PSMB7: variants seen among roughly 807,000 people sequenced by gnomAD.
PSMB7 encodes the protein proteasome subunit beta type-7.
Under a neutral mutation model 28.1 loss-of-function variants are expected in PSMB7, and 5 were observed. The observed-to-expected ratio is 0.18, with a 90% confidence interval of 0.09 to 0.37. The LOEUF (loss-of-function observed/expected upper bound fraction) is 0.37. Among genes scored for constraint, PSMB7 ranks in the 10% least tolerant of loss-of-function variants. The probability of loss-of-function intolerance (pLI) is 1.00; values close to 1 mark genes in which losing one functional copy is unlikely to be tolerated. For missense variants in PSMB7, 275 were observed against 346.2 expected, an observed-to-expected ratio of 0.79 and a Z score of 1.63; for synonymous variants, 122 against 123.7, an observed-to-expected ratio of 0.99 and a Z score of 0.09.
At chr9:124,401,596 G>A (rs1830907851) in intron 5 of PSMB7, among the ~76,000 whole-genome samples, 1 of 152,086 alleles carries the variant, frequency 6.6e-6, no homozygotes, top group African/African-American at 2.4e-5. Context: ...TCTCCCTTGG[G>A]TCCCCTCCTG....
Position 124,415,383 on chromosome 9 carries a change from A to T in PSMB7, c.43T>A (p.Ser15Thr). The T allele has an allele frequency of 6.2e-7, 1 of 1,614,136 alleles. No individual in the cohort carries two copies. The highest frequency in any genetic ancestry group is 1.6e-4 in the Middle Eastern group (1 of 6,062). The part of the protein sequence containing the change: ...SVYAPPVGGF[S>T]FDNCRRNAVL... The stretch of plus-strand genomic sequence containing the variant: ...CGGCACCTGCGGCAGTTATCAAAAG[A>T]GAAGCCTCCAACTGGTGGAGCATAC... Residue 15 changes from serine to threonine, a missense_variant, in exon 1 of 8, where the codon TCT (serine) becomes ACT (threonine). By Grantham distance (58) the Ser-to-Thr change is moderately conservative. Around this residue, in one of 2 missense-constraint regions of PSMB7, gnomAD observed 62 missense variants for 43.9 expected, o/e 1.41. Coordinates refer to ENST00000259457, the MANE Select transcript of PSMB7 (RefSeq NM_002799.4).
rs940488686 is a variant in PSMB7 at position 124,384,669 on chromosome 9, G to A, written c.512-13C>T. On this transcript the variant is annotated splice_polypyrimidine_tract_variant and intron_variant, in intron 5 of 7. Coordinates refer to ENST00000259457, the MANE Select transcript of PSMB7 (RefSeq NM_002799.4). ...AAGGAGCCAGAACCTGCAAGAAAAA[G>A]GTGCACTTTTAGTGTATTTTATGAT... The A allele has an allele frequency of 2.5e-6, 4 of 1,612,654 alleles. No homozygotes were observed. The highest frequency in any genetic ancestry group is 3.4e-6 in the Non-Finnish European group (4 of 1,179,352).
At chr9:124,406,271 G>A (rs906262961) in intron 4 of PSMB7, among the ~76,000 whole-genome samples, 1 of 152,054 alleles carries the variant, frequency 6.6e-6, no homozygotes, top group Admixed American at 6.6e-5. Context: ...AGGAGGCTGA[G>A]GTGGGCAAAT....
chr9:124,394,916 T>A (rs916815474), intron 5 of PSMB7, among the ~76,000 whole-genome samples: 12 of 152,182 alleles, frequency 7.9e-5, no homozygotes, highest in Admixed American at 7.9e-4. Context: ...TTTTAAGATA[T>A]AAAATCCATT....
At chr9:124,377,695 G>A (rs540618422) in intron 6 of PSMB7, among the ~76,000 whole-genome samples, 142 of 152,332 alleles carry the variant, frequency 9.3e-4, no homozygotes, top group African/African-American at 3.3e-3. Flanking sequence ...CAATCTATAA[G>A]GGCTTCTCTA....
Position 124,370,780 on chromosome 9 carries a change from G to T in PSMB7, c.570+13818C>A, listed in dbSNP as rs1383863055. Among the ~76,000 whole-genome samples the T allele has an allele frequency of 2.6e-5, 4 of 152,122 alleles. No homozygotes were observed. In the East Asian group the frequency reaches 7.7e-4, roughly 29 times the overall value. On this transcript the variant is annotated intron_variant, in intron 6 of 7. Coordinates refer to ENST00000259457, the MANE Select transcript of PSMB7 (RefSeq NM_002799.4). ...GTCTCAATTAACACCTAAATGCCCT[G>T]CATTAGAAGGTTTACCATTTTATAG...
At chr9:124,366,730 A>AT (rs1830511974) in intron 6 of PSMB7, among the ~76,000 whole-genome samples, 1 of 152,180 alleles carries the variant, frequency 6.6e-6, no homozygotes, top group Non-Finnish European at 1.5e-5. Flanking sequence ...CAGATACACC[A>AT]TTTTTTATCT....
At chr9:124,392,225 G>T (rs990145045) in intron 5 of PSMB7, among the ~76,000 whole-genome samples, 1 of 152,226 alleles carries the variant, frequency 6.6e-6, no homozygotes, top group Non-Finnish European at 1.5e-5. Context: ...GGGTTCTCAA[G>T]CTCATGCACC....
At chr9:124,401,593 T>C (rs1326449048) in intron 5 of PSMB7, among the ~76,000 whole-genome samples, 1 of 152,330 alleles carries the variant, frequency 6.6e-6, no homozygotes, top group East Asian at 1.9e-4. Context: ...TTTTCTCCCT[T>C]GGGTCCCCTC....
At position 124,384,317 on chromosome 9, in the gene PSMB7, C is replaced by T. The variant is rs1323001415; in HGVS notation, c.570+281G>A. The T allele has an allele frequency of 2.4e-5, 9 of 370,876 alleles. No homozygotes were observed. In the East Asian group the frequency reaches 3.2e-4, roughly 13 times the overall value. The allele number at this position is 370,876 out of a possible 1,614,324, so 23.0% of individuals were successfully genotyped here. ...AAGCTTGGTGCGCAAGAAAACATTC[C>T]ACGTTACCACCGCATTTACAGTCAA... On this transcript the variant is annotated intron_variant, in intron 6 of 7. Coordinates refer to ENST00000259457, the MANE Select transcript of PSMB7 (RefSeq NM_002799.4).
At position 124,358,686 on chromosome 9, in the gene PSMB7, G is replaced by A. The variant is rs1226959887; in HGVS notation, c.571-1771C>T. Among the ~76,000 whole-genome samples, 3 of 152,236 alleles carry A rather than the reference G, an allele frequency of 2.0e-5. No homozygotes were observed. In the East Asian group the frequency reaches 5.8e-4, roughly 29 times the overall value. The stretch of plus-strand genomic sequence containing the variant: ...CTTCCCTTTAAATGGCCTTCGGTGT[G>A]TGCGCACATGGGCACGTGCGGGGAG... On this transcript the variant is annotated intron_variant, in intron 6 of 7. Coordinates refer to ENST00000259457, the MANE Select transcript of PSMB7 (RefSeq NM_002799.4).
At chr9:124,409,607 G>A (rs559933558) in intron 4 of PSMB7, among the ~76,000 whole-genome samples, 1 of 152,194 alleles carries the variant, frequency 6.6e-6, no homozygotes, top group Non-Finnish European at 1.5e-5. Flanking sequence ...GCAGTACCAA[G>A]AACACCTTGT....
chr9:124,394,716 C>T (rs1348904294), intron 5 of PSMB7, among the ~76,000 whole-genome samples: 1 of 152,148 alleles, frequency 6.6e-6, no homozygotes, highest in Non-Finnish European at 1.5e-5. Flanking sequence ...CTGGCAAGGG[C>T]TGACTATATT....
chr9:124,414,102 G>A (rs925841444), intron 2 of PSMB7, 97 bp from the exon 3 acceptor site: 3 of 703,534 alleles, frequency 4.3e-6, no homozygotes, highest in African/African-American at 1.8e-5. Context: ...CATACCACAT[G>A]CTCCCCTAAT....
At chr9:124,367,852 T>C (rs1830522348) in intron 6 of PSMB7, among the ~76,000 whole-genome samples, 1 of 152,036 alleles carries the variant, frequency 6.6e-6, no homozygotes, top group African/African-American at 2.4e-5. Context: ...ATCCTACCCA[T>C]CTCCAACACT....
chr9:124,392,351 T>C (rs1423478759), intron 5 of PSMB7, among the ~76,000 whole-genome samples: 2 of 152,110 alleles, frequency 1.3e-5, no homozygotes, highest in African/African-American at 4.8e-5. Context: ...GCTCTGGCGC[T>C]CCCTAGCTGG....
In PSMB7 at chr9:124,414,611, T is replaced by TTA; in HGVS notation, c.156+230_156+231insTA. Reference sequence around the variant, plus strand: ...TAATTAAGAAGCTAACTGACCTGTTTAAAAAAAAAAAAAAGAAAGAAAGAA... The same window carrying TTA: ...TAATTAAGAAGCTAACTGACCTGTTTTAAAAAAAAAAAAAAAGAAAGAAAGAA... On this transcript the variant is annotated intron_variant, in intron 2 of 7. Transcript: ENST00000259457. Among the ~76,000 whole-genome samples the TTA allele has an allele frequency of 1.4e-5, 2 of 141,116 alleles. 1 individual carries two copies. The highest frequency in any genetic ancestry group is 7.1e-3 in the Middle Eastern group (2 of 280). The allele number at this position is 141,116 out of a possible 152,430, so 92.6% of individuals were successfully genotyped here.
chr9:124,356,141 A>C lies in PSMB7; in HGVS notation c.722+623T>G, dbSNP rs897266886. On this transcript the variant is annotated intron_variant, in intron 7 of 7. Coordinates refer to ENST00000259457, the MANE Select transcript of PSMB7 (RefSeq NM_002799.4). This position sits in a 1 kb window ranked among gnomAD's most constrained non-coding sequence, Gnocchi z 4.4. ...AGCCGGACAATCACGAGACACTGCA[A>C]ACGAGCTGCTCCTCTGACACATGCT... Among the ~76,000 whole-genome samples the C allele has an allele frequency of 1.3e-5, 2 of 152,192 alleles. No homozygotes were observed. The highest frequency in any genetic ancestry group is 2.9e-5 in the Non-Finnish European group (2 of 68,030).
Position 124,368,254 on chromosome 9 carries a change from A to G in PSMB7, c.571-11339T>C, listed in dbSNP as rs551406008. 3.9e-3 allele frequency among the ~76,000 whole-genome samples: 598 copies of G among 152,394 alleles called. 1 individual carries two copies. Among genetic ancestry groups the G allele is most frequent in the African/African-American group, 0.014 (566 of 41,600 alleles). On this transcript the variant is annotated intron_variant, in intron 6 of 7. Coordinates refer to ENST00000259457, the MANE Select transcript of PSMB7 (RefSeq NM_002799.4). ...TTCCACCCAAGAAAACAAAACCTCC[A>G]GTCTCCAAAAATACAAATGATACCA...
Sources: gnomAD v4.1 joint callset for allele counts (sites outside exome capture counted in the v4.1 genomes callset) on GRCh38, gnomAD v4.1.1 for gene constraint, gnomAD v4.1.1 regional missense constraint, Gnocchi (gnomAD v3.1) non-coding constraint, MANE v1.5 for transcripts, NCBI Gene and HGNC (gene_info 2026-07-23, HGNC 2026-07-21) for gene names.